The following HEATR9 variants were observed in gnomAD, a reference collection of about 807,000 sequenced individuals.
HEATR9 encodes the protein protein HEATR9.
A neutral mutation model predicts 68.2 loss-of-function variants in HEATR9; 54 were observed. The ratio of observed to expected loss-of-function variants is 0.79; its 90% confidence interval spans 0.64 to 0.99. The LOEUF (loss-of-function observed/expected upper bound fraction) is 0.99. Among genes scored for constraint, HEATR9 ranks in the 50% least tolerant of loss-of-function variants. HEATR9 has a pLI of 0.00. For missense variants in HEATR9, 662 were observed against 679.7 expected (o/e 0.97, Z 0.29); for synonymous variants, 241 against 253.5 (o/e 0.95, Z 0.47).
chr17:35,868,493 C>A, intron 1 of HEATR9, 162 bp downstream of exon 1: 1 of 1,331,178 alleles, frequency 7.5e-7, no homozygotes, highest in Non-Finnish European at 9.9e-7. Flanking sequence ...AGCCTGAGAC[C>A]TTGAGGACTG....
intron 8 of HEATR9, among the ~76,000 whole-genome samples, chr17:35,862,389 G>C (rs1259569309): frequency 6.6e-6 from 1 of 152,150 alleles, no homozygotes; most frequent in East Asian, 1.9e-4. Context: ...TGGGGTCAAA[G>C]TAAGAGAACA....
chr17:35,864,003 G>A (rs888768539), intron 6 of HEATR9: 30 of 568,960 alleles, frequency 5.3e-5, no homozygotes, highest in Non-Finnish European at 8.1e-5. Context: ...TGGCTTTTCA[G>A]TCCAATGTCT....
chr17:35,856,838 A>G (rs780985787), intron 11 of HEATR9, 33 bp from the exon 12 acceptor site: 1 of 1,538,802 alleles, frequency 6.5e-7, no homozygotes, highest in East Asian at 2.3e-5. Flanking sequence ...CAACAGAGAG[A>G]GGGAATGCAA....
chr17:35,865,111 G>GT, intron 3 of HEATR9, 104 bp downstream of exon 3: 7 of 1,400,144 alleles, frequency 5.0e-6, no homozygotes, highest in Non-Finnish European at 6.9e-6. Context: ...TCTGGGACCT[G>GT]TAGGCTGACT....
At chr17:35,860,636 C>G (rs2087954007) in intron 8 of HEATR9, among the ~76,000 whole-genome samples, 1 of 150,440 alleles carries the variant, frequency 6.6e-6, no homozygotes, top group Non-Finnish European at 1.5e-5. Context: ...ACTACAGGCG[C>G]CCGCCAGCAC....
chr17:35,867,890 C>T (rs117388283), intron 1 of HEATR9, among the ~76,000 whole-genome samples: 11,267 of 152,172 alleles, frequency 0.074, 556 homozygotes, highest in Admixed American at 0.14. Context: ...AAGTGGTTCT[C>T]GTACCTCAGC....
chr17:35,866,836 G>T, intron 1 of HEATR9, 63 bp from the exon 2 acceptor site: 1 of 1,533,074 alleles, frequency 6.5e-7, no homozygotes, highest in Admixed American at 1.7e-5. Context: ...GGCCAGGCTT[G>T]GTGGCTTCTG....
chr17:35,860,512 T>C (rs1160527044), intron 8 of HEATR9, among the ~76,000 whole-genome samples: 1 of 149,242 alleles, frequency 6.7e-6, no homozygotes, highest in Non-Finnish European at 1.5e-5. Flanking sequence ...TATTTTGAGA[T>C]GGAGTCTCGC....
rs1478346264 is a variant in HEATR9 at position 35,859,154 on chromosome 17, C to G, written c.757-84G>C. On this transcript the variant is annotated intron_variant, in intron 8 of 14. Coordinates refer to ENST00000604834, the MANE Select transcript of HEATR9 (RefSeq NM_152781.4). ...GCTTCCAGACTATATTCACCTTCCT[C>G]CCTAAAATGAATCTTGTGCATCAGA... 4 of 1,187,852 alleles carry G rather than the reference C, an allele frequency of 3.4e-6. No homozygotes were observed. The Admixed American group carries it at 8.7e-5, about 26-fold the overall frequency. 73.6% of individuals were successfully genotyped at this position (1,187,852 alleles called of 1,614,324 possible). A position where few individuals can be genotyped will look rare whatever the true frequency, so the allele number is the denominator to read the frequency against.
In HEATR9 at chr17:35,858,060, A is replaced by G. The variant is rs373299723; in HGVS notation, c.1152+140T>C. On this transcript the variant is annotated intron_variant, in intron 11 of 14. Transcript: ENST00000604834. ...TGCCTGAGCAAAGGCAAGGTGATAT[A>G]AAAACCTGGGCTGCATTAGTTGAAC... The G allele has an allele frequency of 4.3e-5, 53 of 1,236,598 alleles. No homozygotes were observed. In the African/African-American group the frequency reaches 6.3e-4, roughly 15 times the overall value. 76.6% of individuals were successfully genotyped at this position (1,236,598 alleles called of 1,614,324 possible).
In HEATR9 at chr17:35,855,589, G is replaced by C. The variant is rs1053657134; in HGVS notation, c.1365+75C>G. The C allele has an allele frequency of 4.9e-6, 7 of 1,433,412 alleles. No individual in the cohort carries two copies. In the African/African-American group the frequency reaches 5.6e-5, roughly 11 times the overall value. The allele number at this position is 1,433,412 out of a possible 1,614,324, so 88.8% of individuals were successfully genotyped here. On this transcript the variant is annotated intron_variant, in intron 14 of 14. Coordinates refer to ENST00000604834, the MANE Select transcript of HEATR9 (RefSeq NM_152781.4). ...CCTCTCCTCCTGACAAGGAGCAAAT[G>C]GTGGTGAGATAGGTGGGAGAAGCTT...
chr17:35,867,272 A>G (rs1042627414), intron 1 of HEATR9, among the ~76,000 whole-genome samples: 30 of 151,838 alleles, frequency 2.0e-4, no homozygotes, highest in Non-Finnish European at 1.5e-5. Context: ...AAAAATAAAT[A>G]AATAAAATAA....
In HEATR9 at chr17:35,864,857, T is replaced by G. The variant is rs760355293; in HGVS notation, c.354A>C (p.Lys118Asn). The change falls in exon 4 of 15, where the codon AAA (lysine) becomes AAC (asparagine). Residue 118 changes from lysine (K) to asparagine (N), a missense_variant. Lys to Asn is a moderately conservative substitution (Grantham distance 94, BLOSUM62 0). Transcript: ENST00000604834. ...GCTTGCTCATTGGGAGATGGAACATTTTGATGTGGGTTTGATGTACCTCTT... is the reference window on the plus strand; with the variant it reads ...GCTTGCTCATTGGGAGATGGAACATGTTGATGTGGGTTTGATGTACCTCTT... ...YIKEVHQTHI[K>N]MFHLPMSKLT... 6.2e-7 allele frequency: 1 copy of G among 1,614,176 alleles called. No individual in the cohort carries two copies. The highest frequency in any genetic ancestry group is 2.2e-5 in the East Asian group (1 of 44,882).
chr17:35,866,896 T>G, intron 1 of HEATR9, 123 bp from the exon 2 acceptor site: 1 of 900,322 alleles, frequency 1.1e-6, no homozygotes, highest in Non-Finnish European at 1.9e-6. Flanking sequence ...TCACCTGAGG[T>G]CAGGAGTTCG....
At chr17:35,857,285 TC>T (rs903457240) in intron 11 of HEATR9, among the ~76,000 whole-genome samples, 3 of 152,134 alleles carry the variant, frequency 2.0e-5, no homozygotes, top group African/African-American at 7.2e-5. Context: ...GACATGGTTG[TC>T]GTAAGCATAG....
At chr17:35,855,819 C>A in intron 13 of HEATR9, 69 bp from the exon 14 acceptor site, 1 of 1,316,092 alleles carries the variant, frequency 7.6e-7, no homozygotes, top group South Asian at 1.2e-5. Context: ...CTTTCCCATT[C>A]TAGCCCCTTT....
At position 35,855,241 on chromosome 17, in the gene HEATR9, C is replaced by T. The variant is rs371570312; in HGVS notation, c.1535G>A (p.Arg512Gln). The T allele has an allele frequency of 1.9e-5, 31 of 1,613,996 alleles. No homozygotes were observed. The African/African-American group carries it at 2.4e-4, about 13-fold the overall frequency. ...AAACAAGGGGTTCAGCTTTGCAAGT[C>T]GAAAGTCTTGAATAGTTAACTCTTC... is the stretch of plus-strand genomic sequence containing the variant. ...NPEELTIQDF[R>Q]LAKLNPLFIA... is the part of the protein sequence containing the mutation. Residue 512 changes from arginine (R) to glutamine (Q), a missense_variant, in exon 15 of 15, where the codon CGA (arginine) becomes CAA (glutamine). Physicochemically the swap from Arg to Gln is conservative, Grantham distance 43 (BLOSUM62 1). Transcript: ENST00000604834.
rs1344299967 is a variant in HEATR9 at position 35,855,681 on chromosome 17, G to A, written c.1348C>T (p.Gln450Ter). Residue 450 changes from glutamine to a stop codon, truncating the protein, a stop_gained, in exon 14 of 15, where the codon CAG becomes TAG. Transcript: ENST00000604834. LOFTEE classifies it low-confidence loss of function (END_TRUNC). ...TTACTTACACTCTTCTTCACAGCCT[G>A]GTGGTTTTCTGCATCTAGTAAGTCC... is the stretch of plus-strand genomic sequence containing the variant. ...LLDLLDAENH[Q>*]AVKKSLQETL... 1.2e-6 allele frequency: 2 copies of A among 1,614,114 alleles called. No homozygotes were observed. Among genetic ancestry groups the A allele is most frequent in the South Asian group, 2.2e-5 (2 of 91,074 alleles).
chr17:35,855,924 G>A (rs564981041), intron 13 of HEATR9, among the ~76,000 whole-genome samples, 174 bp from the exon 14 acceptor site: 10 of 152,172 alleles, frequency 6.6e-5, no homozygotes, highest in African/African-American at 2.4e-4. Context: ...GGACTTTAAT[G>A]CCCATTATTT....
Sources: allele counts gnomAD v4.1 joint callset (sites outside exome capture counted in the v4.1 genomes callset), GRCh38; gene constraint gnomAD v4.1.1; transcripts MANE v1.5; gene names NCBI Gene and HGNC (gene_info 2026-07-23, HGNC 2026-07-21).